ATP8A2: variants seen among roughly 807,000 people sequenced by gnomAD.
The protein encoded by ATP8A2 is ATPase phospholipid transporting 8A2.
A neutral mutation model predicts 165.6 loss-of-function variants in ATP8A2; 100 were observed. The observed-to-expected ratio is 0.60, with a 90% CI of 0.51 to 0.71. The LOEUF is 0.71. Ranked by LOEUF, ATP8A2 falls within the 30% of genes least tolerant of loss-of-function variation. ATP8A2 has a pLI of 0.00. For synonymous variants in ATP8A2, 543 were observed against 548.8 expected (o/e 0.99, Z 0.15); for missense variants, 1,227 against 1,479.5 (o/e 0.83, Z 2.80).
At chr13:25,675,062 C>T (rs1423727311) in intron 24 of ATP8A2, among the ~76,000 whole-genome samples, 1 of 152,148 alleles carries the variant, frequency 6.6e-6, no homozygotes, top group African/African-American at 2.4e-5. Context: ...TATCTTTTTC[C>T]CTTTGCCCCT....
At chr13:25,913,171 C>T (rs1270118655) in intron 33 of ATP8A2, among the ~76,000 whole-genome samples, 2 of 152,282 alleles carry the variant, frequency 1.3e-5, no homozygotes, top group African/African-American at 2.4e-5. Flanking sequence ...GCCCCAGGAT[C>T]GCATAGCCAG....
chr13:25,886,562 G>A (rs923631607), intron 33 of ATP8A2, among the ~76,000 whole-genome samples: 6 of 152,230 alleles, frequency 3.9e-5, no homozygotes, highest in Non-Finnish European at 7.3e-5. Flanking sequence ...TCTCGCTCAC[G>A]TGGTTTCACC....
intron 24 of ATP8A2, among the ~76,000 whole-genome samples, chr13:25,612,964 C>A (rs1335672995): frequency 6.6e-6 from 1 of 152,020 alleles, no homozygotes. Context: ...CTTCTGCATG[C>A]TTTTGGTGTC....
At chr13:25,405,335 G>A (rs1593263178) in intron 1 of ATP8A2, among the ~76,000 whole-genome samples, 1 of 152,286 alleles carries the variant, frequency 6.6e-6, no homozygotes, top group East Asian at 1.9e-4. Context: ...GAAGAGAAAT[G>A]GGATCTACCG....
At chr13:25,692,561 A>C (rs987097301) in intron 24 of ATP8A2, among the ~76,000 whole-genome samples, 3 of 152,198 alleles carry the variant, frequency 2.0e-5, no homozygotes, top group Non-Finnish European at 4.4e-5. Flanking sequence ...CTTGTTTATT[A>C]ACTCCAAAGT....
intron 35 of ATP8A2, among the ~76,000 whole-genome samples, chr13:26,006,905 C>G (rs1203685790): frequency 4.6e-5 from 7 of 150,860 alleles, no homozygotes; most frequent in Non-Finnish European, 1.0e-4. Context: ...ATATACTAAA[C>G]TTAGTTTGCT....
intron 33 of ATP8A2, among the ~76,000 whole-genome samples, chr13:25,960,277 G>A (rs1955629702): frequency 6.6e-6 from 1 of 152,192 alleles, no homozygotes; most frequent in African/African-American, 2.4e-5. Context: ...GATGGAAACC[G>A]AAGAGTGGGT....
intron 18 of ATP8A2, 179 bp downstream of exon 18, chr13:25,571,871 G>A: frequency 1.5e-6 from 1 of 668,894 alleles, no homozygotes; most frequent in Admixed American, 2.1e-5. Context: ...TTGCATTGCA[G>A]TATTGTTTTC....
chr13:25,978,900 A>C (rs934960483), intron 35 of ATP8A2, among the ~76,000 whole-genome samples: 1 of 152,108 alleles, frequency 6.6e-6, no homozygotes, highest in Non-Finnish European at 1.5e-5. Flanking sequence ...AGATCGCGCC[A>C]CTGCACTCCA....
chr13:25,758,349 T>A (rs1250035622), intron 25 of ATP8A2, among the ~76,000 whole-genome samples: 1 of 152,232 alleles, frequency 6.6e-6, no homozygotes, highest in Non-Finnish European at 1.5e-5. Flanking sequence ...TTACCTATTG[T>A]GTATGATGCT....
At chr13:25,531,161 A>G (rs1265375975) in intron 4 of ATP8A2, among the ~76,000 whole-genome samples, 9 of 141,666 alleles carry the variant, frequency 6.4e-5, no homozygotes, top group Admixed American at 1.4e-4. Context: ...TATATATGAT[A>G]TATATGTTAT....
At chr13:25,483,969 C>T (rs1303226470) in intron 2 of ATP8A2, among the ~76,000 whole-genome samples, 1 of 152,200 alleles carries the variant, frequency 6.6e-6, no homozygotes, top group African/African-American at 2.4e-5. Context: ...AAGAGTTACA[C>T]ATTGCCAAGG....
At chr13:25,891,755 G>A (rs533546285) in intron 33 of ATP8A2, among the ~76,000 whole-genome samples, 1 of 152,146 alleles carries the variant, frequency 6.6e-6, no homozygotes, top group Non-Finnish European at 1.5e-5. Context: ...CTGCATTTAA[G>A]TGTATGAGTG....
intron 27 of ATP8A2, among the ~76,000 whole-genome samples, chr13:25,813,274 A>G (rs1461376628): frequency 6.6e-6 from 1 of 152,124 alleles, no homozygotes; most frequent in African/African-American, 2.4e-5. Context: ...GAGAGCCAGG[A>G]TGTTAGCCAG....
intron 1 of ATP8A2, among the ~76,000 whole-genome samples, chr13:25,431,919 A>G (rs1351236835): frequency 6.6e-6 from 1 of 152,052 alleles, no homozygotes; most frequent in East Asian, 1.9e-4. Context: ...GCTCCTGAAA[A>G]TCACTAATCA....
intron 27 of ATP8A2, among the ~76,000 whole-genome samples, chr13:25,784,262 G>A (rs2044965053): frequency 6.6e-6 from 1 of 152,130 alleles, no homozygotes; most frequent in Non-Finnish European, 1.5e-5. Flanking sequence ...CAGAAACAGA[G>A]CCCATGCAAA....
intron 10 of ATP8A2, among the ~76,000 whole-genome samples, chr13:25,548,551 G>A (rs1042449304): frequency 6.6e-6 from 1 of 152,220 alleles, no homozygotes; most frequent in Admixed American, 6.5e-5. Context: ...TAGTTTTTAA[G>A]AGTTAGGATG....
At chr13:25,542,779 G>T (rs1397070724) in intron 9 of ATP8A2, among the ~76,000 whole-genome samples, 5 of 151,968 alleles carry the variant, frequency 3.3e-5, no homozygotes, top group Non-Finnish European at 5.9e-5. Flanking sequence ...TATACTATGG[G>T]CTCCCCATTC....
At chr13:25,981,406 GC>G in intron 35 of ATP8A2, among the ~76,000 whole-genome samples, 1 of 152,284 alleles carries the variant, frequency 6.6e-6, no homozygotes, top group East Asian at 1.9e-4. Context: ...GTGAGAATAG[GC>G]TAGTTGCCAG....
Sources: gnomAD v4.1 joint callset for allele counts (sites outside exome capture counted in the v4.1 genomes callset) on GRCh38, gnomAD v4.1.1 for gene constraint, MANE v1.5 for transcripts, NCBI Gene and HGNC (gene_info 2026-07-23, HGNC 2026-07-21) for gene names.